The following NUP85 variants were observed in gnomAD, a reference collection of about 807,000 sequenced individuals.
The protein encoded by NUP85 is nucleoporin 85, also known as nuclear pore complex protein Nup85.
In NUP85, 23 loss-of-function variants were observed where a neutral mutation model predicts 92.8. The observed-to-expected ratio is 0.25, with a 90% CI of 0.18 to 0.35. The LOEUF is 0.35. Ranked by LOEUF, NUP85 falls within the 10% of genes least tolerant of loss-of-function variation. The pLI is 1.00. For synonymous variants in NUP85, 314 were observed against 306.9 expected, an observed-to-expected ratio of 1.02 and a Z score of -0.24; for missense variants, 759 against 822.8, an observed-to-expected ratio of 0.92 and a Z score of 0.95.
At position 75,205,881 on chromosome 17, in the gene NUP85, T is replaced by C; in HGVS notation, c.33+87T>C. The stretch of plus-strand genomic sequence containing the variant: ...ACTTCAGGCTTGTCTGCTTCCCTAG[T>C]GGTCGCGAGGCGCTCGTCCCCTTCC... On this transcript the variant is annotated intron_variant, in intron 1 of 18. Transcript: ENST00000245544. 5.4e-6 allele frequency: 8 copies of C among 1,484,044 alleles called. No individual in the cohort carries two copies. In the South Asian group the frequency reaches 9.1e-5, roughly 17 times the overall value. 91.9% of individuals were successfully genotyped at this position (1,484,044 alleles called of 1,614,324 possible).
chr17:75,208,632 T>C lies in NUP85; in HGVS notation c.127+12T>C, dbSNP rs1293758632. 6.7e-7 allele frequency: 1 copy of C among 1,481,940 alleles called. No homozygotes were observed. The highest frequency in any genetic ancestry group is 2.3e-5 in the East Asian group (1 of 44,218). 91.8% of individuals were successfully genotyped at this position (1,481,940 alleles called of 1,614,324 possible). A position where few individuals can be genotyped will look rare whatever the true frequency, so the allele number is the denominator to read the frequency against. ...CTTCAACAAAAAAGGTAGGGTTTTT[T>C]TTCTTCCAAATTATCCATCTTGGCA... On this transcript the variant is annotated intron_variant, in intron 2 of 18. Transcript: ENST00000245544.
chr17:75,224,267 G>A (rs1320986136), intron 7 of NUP85, among the ~76,000 whole-genome samples: 4 of 151,692 alleles, frequency 2.6e-5, no homozygotes, highest in South Asian at 2.1e-4. Flanking sequence ...GGATGGTCTC[G>A]ATCTTCTGAC....
At chr17:75,213,047 C>A in intron 4 of NUP85, 29 bp from the exon 5 acceptor site, 1 of 1,605,964 alleles carries the variant, frequency 6.2e-7, no homozygotes, top group Non-Finnish European at 8.5e-7. Context: ...AGTTCCATTG[C>A]TCACTTAAAA....
chr17:75,234,800 A>G lies in NUP85; in HGVS notation c.1767+12A>G. ...TGGAACAGAAACAGGTGAAGGTTGC[A>G]GCAGCAGTGGTTTTCTTTGCTTGTC... On this transcript the variant is annotated intron_variant, in intron 17 of 18. Coordinates refer to ENST00000245544, the MANE Select transcript of NUP85 (RefSeq NM_024844.5). 2.5e-6 allele frequency: 4 copies of G among 1,613,960 alleles called. No homozygotes were observed. The South Asian group carries it at 4.4e-5, about 18-fold the overall frequency.
intron 9 of NUP85, 105 bp from the exon 10 acceptor site, chr17:75,225,593 C>T: frequency 6.3e-7 from 1 of 1,576,194 alleles, no homozygotes; most frequent in African/African-American, 1.3e-5. Flanking sequence ...ATGGCGAGAG[C>T]TTTCAGACTA....
chr17:75,206,102 C>T (rs1343656385), intron 1 of NUP85, among the ~76,000 whole-genome samples: 1 of 152,082 alleles, frequency 6.6e-6, no homozygotes, highest in Non-Finnish European at 1.5e-5. Flanking sequence ...GTGGGTTCAG[C>T]CCAAGCAGAG....
At chr17:75,211,866 G>A in intron 3 of NUP85, 126 bp from the exon 4 acceptor site, 2 of 704,900 alleles carry the variant, frequency 2.8e-6, no homozygotes, top group East Asian at 2.7e-5. Context: ...CAGAAGGTTA[G>A]GAGCTCCTTC....
intron 16 of NUP85, among the ~76,000 whole-genome samples, chr17:75,233,404 TCTTTCTTTCTTTC>T (rs1449201291): frequency 8.8e-6 from 1 of 113,558 alleles, no homozygotes; most frequent in Non-Finnish European, 2.0e-5. Flanking sequence ...TTTCTCTTTC[TCTTTCTTTCTTTC>T]TTCTTTTCTT....
chr17:75,210,933 C>T (rs1216022116), intron 3 of NUP85, among the ~76,000 whole-genome samples: 2 of 151,514 alleles, frequency 1.3e-5, no homozygotes, highest in Non-Finnish European at 2.9e-5. Flanking sequence ...GATCTCGTGA[C>T]CTCGTGATCC....
rs2075162354 is a variant in NUP85, at chr17:75,208,610, C to T, written c.117C>T (p.Phe39=). The T allele has an allele frequency of 6.3e-7, 1 of 1,586,256 alleles. No homozygotes were observed. Among genetic ancestry groups the T allele is most frequent in the Non-Finnish European group, 8.6e-7 (1 of 1,157,984 alleles). The change falls in exon 2 of 19, where the codon TTC becomes TTT. Residue 39 remains phenylalanine, a synonymous_variant. Coordinates refer to ENST00000245544, the MANE Select transcript of NUP85 (RefSeq NM_024844.5). ...AGATGCTGGTATGTGAAACCTCCTT[C>T]AACAAAAAAGGTAGGGTTTTTTTTC... ...PGEMLVCETS[F]NKKEKSEMVP...
At chr17:75,234,307 C>G (rs2076235855) in intron 16 of NUP85, among the ~76,000 whole-genome samples, 1 of 152,204 alleles carries the variant, frequency 6.6e-6, no homozygotes, top group Admixed American at 6.5e-5. Flanking sequence ...CTGACTCGGC[C>G]TCCCAAAGTG....
chr17:75,231,176 G>A lies in NUP85; in HGVS notation c.1095-164G>A. On this transcript the variant is annotated intron_variant, in intron 11 of 18. Coordinates refer to ENST00000245544, the MANE Select transcript of NUP85 (RefSeq NM_024844.5). The surrounding 1 kb of genome is among the most constrained non-coding windows in gnomAD (Gnocchi z 4.6). ...ATTCCTGGACTCAGGTGATCTGCCT[G>A]CCTTGGCCTCCCAAAGTACTGGGAT... is the stretch of plus-strand genomic sequence containing the variant. 1 of 682,614 alleles carries A rather than the reference G, an allele frequency of 1.5e-6. No homozygotes were observed. The highest frequency in any genetic ancestry group is 1.7e-5 in the South Asian group (1 of 58,746). The allele number at this position is 682,614 out of a possible 1,614,324, so 42.3% of individuals were successfully genotyped here.
Position 75,213,071 on chromosome 17 carries a change from G to A in NUP85, c.362-5G>A. ...GCTCACTTAAAATGTTTTGTGTTTT[G>A]TTAGTTGCTGCTAAAGATCCAGCCA... is the stretch of plus-strand genomic sequence containing the variant. On this transcript the variant is annotated splice_polypyrimidine_tract_variant and splice_region_variant and intron_variant, in intron 4 of 18. Transcript: ENST00000245544. The A allele has an allele frequency of 6.2e-7, 1 of 1,612,302 alleles. No homozygotes were observed. Among genetic ancestry groups the A allele is most frequent in the Non-Finnish European group, 8.5e-7 (1 of 1,179,208 alleles).
At chr17:75,228,731 T>G (rs1451527563) in intron 11 of NUP85, 1 of 985,434 alleles carries the variant, frequency 1.0e-6, no homozygotes, top group South Asian at 4.7e-5. Context: ...TCCTTTCCTG[T>G]TCACACCACC....
At position 75,235,155 on chromosome 17, in the gene NUP85, C is replaced by T. The variant is rs774581644; in HGVS notation, c.1823C>T (p.Thr608Met). ...TTGATGCGGTGTCTGGAGGACTTGA[C>T]GTCAAGAAGACCTGTGCATGGAGAA... The part of the protein sequence containing the change: ...YELMRCLEDL[T>M]SRRPVHGESD... Residue 608 changes from threonine (T) to methionine (M), a missense_variant, in exon 18 of 19, where the codon ACG (threonine) becomes ATG (methionine). Thr to Met is a moderately conservative substitution (Grantham distance 81). Coordinates refer to ENST00000245544, the MANE Select transcript of NUP85 (RefSeq NM_024844.5). The T allele has an allele frequency of 3.5e-5, 57 of 1,613,958 alleles. No homozygotes were observed. The highest frequency in any genetic ancestry group is 4.2e-5 in the Non-Finnish European group (50 of 1,179,978).
At chr17:75,226,285 C>T (rs977034417) in intron 11 of NUP85, 128 bp downstream of exon 11, 35 of 675,722 alleles carry the variant, frequency 5.2e-5, no homozygotes, top group African/African-American at 3.7e-4. Flanking sequence ...GTCCATCTCA[C>T]GCTGATATTA....
chr17:75,234,574 T>G, intron 16 of NUP85, 63 bp from the exon 17 acceptor site: 18 of 1,570,296 alleles, frequency 1.1e-5, no homozygotes, highest in Non-Finnish European at 1.6e-5. Context: ...GTGACTTTTG[T>G]AGGTGTCACT....
intron 7 of NUP85, among the ~76,000 whole-genome samples, chr17:75,223,504 C>T (rs1343500112): frequency 6.6e-6 from 1 of 152,024 alleles, no homozygotes; most frequent in Non-Finnish European, 1.5e-5. Flanking sequence ...TCTTGTTCCT[C>T]AGCCTCCCGA....
intron 10 of NUP85, 34 bp downstream of exon 10, chr17:75,225,863 A>T: frequency 6.2e-7 from 1 of 1,613,124 alleles, no homozygotes; most frequent in Non-Finnish European, 8.5e-7. Flanking sequence ...GGGTGGGGGT[A>T]GGAGTCCTGG....
Sources: allele counts gnomAD v4.1 joint callset (sites outside exome capture counted in the v4.1 genomes callset), GRCh38; gene constraint gnomAD v4.1.1; non-coding constraint Gnocchi (gnomAD v3.1); transcripts MANE v1.5; gene names NCBI Gene and HGNC (gene_info 2026-07-23, HGNC 2026-07-21).